The following PDXDC1 variants were observed in gnomAD, a reference collection of about 807,000 sequenced individuals.
The protein encoded by PDXDC1 is pyridoxal-dependent decarboxylase domain-containing protein 1.
Under a neutral mutation model 100.1 loss-of-function variants are expected in PDXDC1, and 42 were observed. The ratio of observed to expected loss-of-function variants is 0.42; its 90% CI spans 0.33 to 0.54. The LOEUF is 0.54. PDXDC1 is among the 20% of genes least tolerant of loss of function. The pLI, the probability that PDXDC1 is intolerant of heterozygous loss-of-function variation, is 0.10. For synonymous variants in PDXDC1, 260 were observed against 371.7 expected, an observed-to-expected ratio of 0.70 and a Z score of 3.46; for missense variants, 636 against 979.2, an observed-to-expected ratio of 0.65 and a Z score of 4.68.
intron 1 of PDXDC1, among the ~76,000 whole-genome samples, chr16:14,981,707 T>A (rs2151164996): frequency 6.6e-6 from 1 of 152,420 alleles, no homozygotes; most frequent in East Asian, 1.9e-4. Flanking sequence ...CCAACGTATA[T>A]CTGAGTCAAG....
intron 16 of PDXDC1, chr16:15,133,096 G>A (rs941506333): frequency 2.9e-5 from 18 of 617,696 alleles, no homozygotes; most frequent in Admixed American, 5.7e-5. Context: ...GAGAGGGCCC[G>A]GTGGGTGTGG....
intron 1 of PDXDC1, among the ~76,000 whole-genome samples, 163 bp from the exon 2 acceptor site, chr16:14,997,590 T>C (rs566452496): frequency 6.6e-6 from 1 of 152,410 alleles, no homozygotes; most frequent in East Asian, 1.9e-4. Flanking sequence ...GGCTGGAAGA[T>C]TTTTACTTTT....
chr16:15,063,965 T>C (rs1567184632), intron 16 of PDXDC1, among the ~76,000 whole-genome samples: 2 of 152,128 alleles, frequency 1.3e-5, no homozygotes, highest in African/African-American at 2.4e-5. Context: ...TCTGTAGTAA[T>C]TTGCTGAAAA....
At chr16:15,147,442 C>A in the PDXDC1 span, among the ~76,000 whole-genome samples, 1 of 152,172 alleles carries the variant, frequency 6.6e-6, no homozygotes, top group South Asian at 2.1e-4. Context: ...CCTGCAGTGC[C>A]GTGATGAGCT....
chr16:15,072,810 G>A (rs527891144), intron 16 of PDXDC1: 9 of 838,272 alleles, frequency 1.1e-5, no homozygotes, highest in African/African-American at 5.2e-5. Flanking sequence ...AGGAGAATGC[G>A]ATTTTATTAA....
chr16:15,078,937 G>A (rs1411078514), intron 16 of PDXDC1, among the ~76,000 whole-genome samples: 5 of 150,686 alleles, frequency 3.3e-5, no homozygotes, highest in South Asian at 2.1e-4. Context: ...TCAGCCTCCC[G>A]AGTAGCTGGG....
downstream of PDXDC1, among the ~76,000 whole-genome samples, chr16:15,141,991 G>A (rs1004429942): frequency 6.6e-6 from 1 of 152,168 alleles, no homozygotes; most frequent in African/African-American, 2.4e-5. Context: ...AGGGGCGAGA[G>A]GTGCTGCAGA....
chr16:15,041,161 AT>A (rs780833885), downstream of PDXDC1: 1 of 1,210,714 alleles, frequency 8.3e-7, no homozygotes, highest in Non-Finnish European at 1.2e-6. Flanking sequence ...TTTTAAAGAA[AT>A]ACCAAATGAT....
At position 14,991,679 on chromosome 16, in the gene PDXDC1, C is replaced by T. The variant is rs541598034; in HGVS notation, c.22-6074C>T. Among the ~76,000 whole-genome samples, 8 of 152,334 alleles carry T rather than the reference C, an allele frequency of 5.3e-5. No individual in the cohort carries two copies. The East Asian group carries it at 7.7e-4, about 15-fold the overall frequency. On this transcript the variant is annotated intron_variant, in intron 1 of 22. Transcript: ENST00000396410. ...GACCAGAGGCATGCACTACCATGCC[C>T]GGCTTACTTTTTTTGTATTTTTTGT...
intron 16 of PDXDC1, chr16:15,061,584 T>C: frequency 3.6e-6 from 2 of 555,940 alleles, no homozygotes; most frequent in Non-Finnish European, 6.3e-6. Flanking sequence ...AAACCCAGTC[T>C]TCAGATGCTT....
downstream of PDXDC1, among the ~76,000 whole-genome samples, chr16:15,144,211 C>T (rs2048518582): frequency 6.6e-6 from 1 of 152,178 alleles, no homozygotes; most frequent in Admixed American, 6.5e-5. Context: ...GGACAGGGGA[C>T]AGGCAGCAGT....
intron 16 of PDXDC1, chr16:15,104,600 C>A (rs151160356): frequency 1.3e-6 from 2 of 1,596,268 alleles, no homozygotes; most frequent in African/African-American, 1.3e-5. Flanking sequence ...GCAGACACTC[C>A]GCAGGTGTCT....
At chr16:15,022,974 A>T (rs1392724578) in intron 13 of PDXDC1, among the ~76,000 whole-genome samples, 1 of 152,294 alleles carries the variant, frequency 6.6e-6, no homozygotes, top group Non-Finnish European at 1.5e-5. Context: ...TGAACCATAC[A>T]ATGTTTAATT....
intron 16 of PDXDC1, among the ~76,000 whole-genome samples, chr16:15,097,282 A>AG (rs1463375586): frequency 1.3e-5 from 2 of 151,120 alleles, no homozygotes; most frequent in East Asian, 1.9e-4. Flanking sequence ...AAAAAAAAAA[A>AG]GGGAAAAAAA....
chr16:15,065,200 A>G, intron 16 of PDXDC1: 5 of 1,575,556 alleles, frequency 3.2e-6, no homozygotes, highest in Non-Finnish European at 4.3e-6. Context: ...CTCCAGCGTC[A>G]ATGTTTAAAA....
At chr16:14,978,776 T>A (rs951911290) in intron 1 of PDXDC1, among the ~76,000 whole-genome samples, 1 of 152,300 alleles carries the variant, frequency 6.6e-6, no homozygotes, top group Admixed American at 6.5e-5. Context: ...GGGTATTATG[T>A]TTAGGCAAGG....
downstream of PDXDC1, among the ~76,000 whole-genome samples, chr16:15,141,089 C>A (rs2048467162): frequency 6.7e-6 from 1 of 149,882 alleles, no homozygotes; most frequent in African/African-American, 2.5e-5. Context: ...CTGCCAGTCC[C>A]TGCCACCCTC....
intron 16 of PDXDC1, among the ~76,000 whole-genome samples, chr16:15,067,740 T>C (rs2045038383): frequency 6.6e-6 from 1 of 152,064 alleles, no homozygotes; most frequent in African/African-American, 2.4e-5. Flanking sequence ...TATCACAGTA[T>C]TTCCTGCAAG....
At chr16:15,144,875 A>G in the PDXDC1 span, among the ~76,000 whole-genome samples, 1 of 152,168 alleles carries the variant, frequency 6.6e-6, no homozygotes, top group Non-Finnish European at 1.5e-5. Context: ...AGAGCGCTTC[A>G]TACGTATGCC....
Sources: allele counts gnomAD v4.1 joint callset (sites outside exome capture counted in the v4.1 genomes callset), GRCh38; gene constraint gnomAD v4.1.1; transcripts MANE v1.5; gene names NCBI Gene and HGNC (gene_info 2026-07-23, HGNC 2026-07-21).